The following GOLGB1 variants were observed in gnomAD, a reference collection of about 807,000 sequenced individuals.
GOLGB1 encodes the protein golgin subfamily B member 1.
Under a neutral mutation model 336.9 loss-of-function variants are expected in GOLGB1, and 174 were observed. The observed-to-expected ratio is 0.52, with a 90% CI of 0.46 to 0.59. The LOEUF (loss-of-function observed/expected upper bound fraction) is 0.59. GOLGB1 is among the 20% of genes least tolerant of loss of function. GOLGB1 has a pLI of 0.00. For synonymous variants in GOLGB1, 1,208 were observed against 1,289.2 expected (o/e 0.94, Z 1.35); for missense variants, 3,331 against 3,645.3 (o/e 0.91, Z 2.22).
chr3:121,687,527 A>T (rs1361824122), intron 14 of GOLGB1, among the ~76,000 whole-genome samples: 2 of 152,212 alleles, frequency 1.3e-5, no homozygotes, highest in Non-Finnish European at 2.9e-5. Context: ...TACTTGAGGC[A>T]CACTGTGAAT....
intron 1 of GOLGB1, chr3:121,749,021 G>A (rs1040435958): frequency 3.7e-6 from 2 of 544,164 alleles, no homozygotes; most frequent in African/African-American, 4.1e-5. Flanking sequence ...TCTGATTCCT[G>A]GGATTTTCGT....
rs1264453174 is a variant in GOLGB1 at position 121,714,955 on chromosome 3, T to C, written c.1310A>G (p.Lys437Arg). The change falls in exon 10 of 22, where the codon AAA (lysine) becomes AGA (arginine). Residue 437 changes from lysine (K) to arginine (R), a missense_variant. By Grantham distance (26) the Lys-to-Arg change is conservative (BLOSUM62 2). Coordinates refer to ENST00000614479, the MANE Select transcript of GOLGB1 (RefSeq NM_001366282.2). ...QLEDQLQQKS[K>R]EISQFLNRLP... ...TCTATTTAGAAATTGGCTAATTTCT[T>C]TGGATTTTTGCTGGAGCTGATCTAA... 2.6e-5 allele frequency: 42 copies of C among 1,607,396 alleles called. No individual in the cohort carries two copies. The highest frequency in any genetic ancestry group is 3.5e-5 in the Non-Finnish European group (41 of 1,174,208).
At chr3:121,711,854 G>C (rs887501557) in intron 10 of GOLGB1, among the ~76,000 whole-genome samples, 1 of 152,124 alleles carries the variant, frequency 6.6e-6, no homozygotes, top group Non-Finnish European at 1.5e-5. Context: ...TACTATATTC[G>C]TAGATTTAAA....
In GOLGB1 at chr3:121,726,922, T is replaced by C; in HGVS notation, c.522A>G (p.Gln174=). The change falls in exon 5 of 22, where the codon CAA becomes CAG. Residue 174 remains glutamine (Q), a synonymous_variant. Coordinates refer to ENST00000614479, the MANE Select transcript of GOLGB1 (RefSeq NM_001366282.2). ...QAQLTQAQAE[Q]PAQSSTEMEE... ...TAACTTCCACCCCTACCTGTGCAGG[T>C]TGTTCTGCCTGTGCCTGAGTAAGCT... 6.3e-7 allele frequency: 1 copy of C among 1,597,534 alleles called. No individual in the cohort carries two copies. Among genetic ancestry groups the C allele is most frequent in the Non-Finnish European group, 8.5e-7 (1 of 1,170,876 alleles).
chr3:121,741,472 C>A (rs1451235401), intron 1 of GOLGB1, among the ~76,000 whole-genome samples: 1 of 152,138 alleles, frequency 6.6e-6, no homozygotes, highest in Non-Finnish European at 1.5e-5. Flanking sequence ...TTGTTGTCTA[C>A]GGCCATACCA....
intron 14 of GOLGB1, among the ~76,000 whole-genome samples, chr3:121,686,682 C>A (rs376739558): frequency 2.1e-5 from 3 of 139,728 alleles, no homozygotes; most frequent in African/African-American, 7.9e-5. Context: ...CACACACACA[C>A]AATAAGGCAA....
rs1943014015 is a variant in GOLGB1 at position 121,697,074 on chromosome 3, A to T, written c.3449T>A (p.Val1150Glu). The change falls in exon 13 of 22, where the codon GTG becomes GAG. Residue 1150 changes from valine to glutamate, a missense_variant. By Grantham distance (121) the Val-to-Glu change is moderately radical. Transcript: ENST00000614479. Reference sequence around the variant, plus strand: ...ACCTGTACAAGGTGGACTTATCACCACTGTTTCCTTTACAAGTGCTACGGA... The same window carrying T: ...ACCTGTACAAGGTGGACTTATCACCTCTGTTTCCTTTACAAGTGCTACGGA... ...GDSVALVKET[V>E]VISPPCTGSS... 2.5e-6 allele frequency: 4 copies of T among 1,613,922 alleles called. No homozygotes were observed. In the East Asian group the frequency reaches 8.9e-5, roughly 36 times the overall value.
Position 121,692,639 on chromosome 3 carries a change from A to G in GOLGB1, c.6783-58T>C, listed in dbSNP as rs984622552. 3.2e-6 allele frequency: 3 copies of G among 935,594 alleles called. No individual in the cohort carries two copies. The African/African-American group carries it at 4.9e-5, about 15-fold the overall frequency. 58.0% of individuals were successfully genotyped at this position (935,594 alleles called of 1,614,324 possible). A position where few individuals can be genotyped will look rare whatever the true frequency, so the allele number is the denominator to read the frequency against. ...TTCAAGAAAAAAACTGTGTTTCCCAAGGAACAAATACTATAACATGTACTC... is the reference window on the plus strand; with the variant it reads ...TTCAAGAAAAAAACTGTGTTTCCCAGGGAACAAATACTATAACATGTACTC... On this transcript the variant is annotated intron_variant, in intron 13 of 21. Transcript: ENST00000614479.
intron 10 of GOLGB1, among the ~76,000 whole-genome samples, chr3:121,706,733 C>CAAAAAAAAAAAAAAAAAAAAAAA (rs1200925309): frequency 6.2e-5 from 1 of 16,154 alleles, no homozygotes; most frequent in African/African-American, 2.6e-4. Flanking sequence ...GACTCTGTCT[C>CAAAAAAAAAAAAAAAAAAAAAAA]AAAAAAAAAA....
At chr3:121,673,699 CT>C (rs1939906734) in intron 17 of GOLGB1, among the ~76,000 whole-genome samples, 10 of 151,320 alleles carry the variant, frequency 6.6e-5, no homozygotes, top group South Asian at 4.2e-4. Context: ...ATCTATCTAT[CT>C]ATCTATCTAT....
In GOLGB1 at chr3:121,696,336, T is replaced by A. The variant is rs773335443; in HGVS notation, c.4187A>T (p.Gln1396Leu). The change falls in exon 13 of 22, where the codon CAA (glutamine) becomes CTA (leucine). Residue 1396 changes from glutamine to leucine, a missense_variant. By Grantham distance (113) the Gln-to-Leu change is moderately radical. Coordinates refer to ENST00000614479, the MANE Select transcript of GOLGB1 (RefSeq NM_001366282.2). Reference sequence around the variant, plus strand: ...TTTTTGCAGTTCATCCAGTTTAGGTTGCAATTCTCTTAGATGTTCTAGGCC... The same window carrying A: ...TTTTTGCAGTTCATCCAGTTTAGGTAGCAATTCTCTTAGATGTTCTAGGCC... ...IAGLEHLREL[Q>L]PKLDELQKLI... 12 of 1,614,180 alleles carry A rather than the reference T, an allele frequency of 7.4e-6. No individual in the cohort carries two copies. The Admixed American group carries it at 2.0e-4, about 27-fold the overall frequency.
Position 121,716,843 on chromosome 3 carries a change from T to C in GOLGB1, c.1182A>G (p.Gln394=). The C allele has an allele frequency of 6.2e-7, 1 of 1,612,946 alleles. No homozygotes were observed. Among genetic ancestry groups the C allele is most frequent in the Non-Finnish European group, 8.5e-7 (1 of 1,178,878 alleles). ...SHILSLQKTG[Q]ELQSACDALK... Reference sequence around the variant, plus strand: ...GAGCATCACAGGCAGACTGCAGCTCTTGTCCAGTCTTTTGAAGACTCAAAA... The same window carrying C: ...GAGCATCACAGGCAGACTGCAGCTCCTGTCCAGTCTTTTGAAGACTCAAAA... Residue 394 remains glutamine, a synonymous_variant, in exon 9 of 22, where the codon CAA becomes CAG. Coordinates refer to ENST00000614479, the MANE Select transcript of GOLGB1 (RefSeq NM_001366282.2).
In GOLGB1 at chr3:121,698,762, T is replaced by A. The variant is rs776878950; in HGVS notation, c.1761A>T (p.Gly587=). The A allele has an allele frequency of 1.2e-6, 2 of 1,613,664 alleles. No individual in the cohort carries two copies. Among genetic ancestry groups the A allele is most frequent in the Non-Finnish European group, 1.7e-6 (2 of 1,179,714 alleles). The change falls in exon 13 of 22, where the codon GGA becomes GGT. Residue 587 remains glycine (G), a synonymous_variant. Transcript: ENST00000614479. Reference sequence around the variant, plus strand: ...CATGATCTGCTTCCTCAGCCCTTTTTCCCTGGAGCTGTAATTTAAGAAATG... The same window carrying A: ...CATGATCTGCTTCCTCAGCCCTTTTACCCTGGAGCTGTAATTTAAGAAATG... ...EIAFLKLQLQ[G]KRAEEADHEV...
chr3:121,674,737 T>C (rs1940079520), intron 17 of GOLGB1, among the ~76,000 whole-genome samples: 1 of 151,980 alleles, frequency 6.6e-6, no homozygotes, highest in African/African-American at 2.4e-5. Flanking sequence ...ATGTATATCC[T>C]CAGTATCTAG....
At chr3:121,749,588 ATTGGAC>A (rs754746089) in intron 1 of GOLGB1, 38 bp downstream of exon 1, 5 of 152,206 alleles carry the variant, frequency 3.3e-5, no homozygotes, top group African/African-American at 7.2e-5. Flanking sequence ...GGTGACCGTT[ATTGGAC>A]TCGCAGAGGG....
intron 8 of GOLGB1, among the ~76,000 whole-genome samples, chr3:121,718,165 T>C (rs1432552303): frequency 6.6e-6 from 1 of 152,054 alleles, no homozygotes; most frequent in Non-Finnish European, 1.5e-5. Context: ...AGAGCAACAA[T>C]AAAGAAGTGC....
chr3:121,669,281 G>A lies in GOLGB1; in HGVS notation c.9252C>T (p.Asn3084=). 6.2e-7 allele frequency: 1 copy of A among 1,613,740 alleles called. No individual in the cohort carries two copies. Among genetic ancestry groups the A allele is most frequent in the Non-Finnish European group, 8.5e-7 (1 of 1,179,642 alleles). Residue 3084 remains asparagine (N), a synonymous_variant, in exon 18 of 22, where the codon AAC becomes AAT. Coordinates refer to ENST00000614479, the MANE Select transcript of GOLGB1 (RefSeq NM_001366282.2). ...LCDTSQSLRE[N]QQHYGDLLNH... is the part of the protein sequence containing the mutation. ...TTAAAAGGTCACCATAGTGCTGCTG[G>A]TTCTCACGAAGACTCTGACTGGTAT...
chr3:121,664,270 G>C lies in GOLGB1; in HGVS notation c.*210C>G. 2 of 586,122 alleles carry C rather than the reference G, an allele frequency of 3.4e-6. No individual in the cohort carries two copies. The highest frequency in any genetic ancestry group is 6.2e-6 in the Non-Finnish European group (2 of 325,088). The allele number at this position is 586,122 out of a possible 1,614,324, so 36.3% of individuals were successfully genotyped here. A position where few individuals can be genotyped will look rare whatever the true frequency, so the allele number is the denominator to read the frequency against. ...TCTCAGATTAAGCAGAAGCGTTCAG[G>C]CTCAGGGCAGTAGAAGAAAGCAGAC... is the stretch of plus-strand genomic sequence containing the variant. On this transcript the variant is annotated 3_prime_UTR_variant, in exon 22 of 22. Coordinates refer to ENST00000614479, the MANE Select transcript of GOLGB1 (RefSeq NM_001366282.2).
rs768702730 is a variant in GOLGB1 at position 121,691,130 on chromosome 3, A to C, written c.8234T>G (p.Met2745Arg). ...TAQIQSFGRS[M>R]SSLQNSRDHA... ...ATCTCTACTATTTTGCAAGGAACTCATAGACCTTCCAAAAGACTGAATTTG... is the reference window on the plus strand; with the variant it reads ...ATCTCTACTATTTTGCAAGGAACTCCTAGACCTTCCAAAAGACTGAATTTG... The change falls in exon 14 of 22, where the codon ATG becomes AGG. Residue 2745 changes from methionine to arginine, a missense_variant. Coordinates refer to ENST00000614479, the MANE Select transcript of GOLGB1 (RefSeq NM_001366282.2). 1.9e-6 allele frequency: 3 copies of C among 1,613,854 alleles called. No homozygotes were observed. Among genetic ancestry groups the C allele is most frequent in the Non-Finnish European group, 2.5e-6 (3 of 1,179,936 alleles).
Sources: allele counts gnomAD v4.1 joint callset (sites outside exome capture counted in the v4.1 genomes callset), GRCh38; gene constraint gnomAD v4.1.1; transcripts MANE v1.5; gene names NCBI Gene and HGNC (gene_info 2026-07-23, HGNC 2026-07-21).